Variants in ZNF84 observed in about 807,000 individuals in gnomAD.
ZNF84 encodes zinc finger protein HPF2.
In ZNF84, 12 loss-of-function variants were observed where a neutral mutation model predicts 14.8. The observed-to-expected ratio is 0.81, with a 90% CI of 0.52 to 1.31. ZNF84 has a LOEUF of 1.31. ZNF84 is among the 50% of genes most tolerant of loss of function. The pLI, the probability that ZNF84 is intolerant of heterozygous loss-of-function variation, is 0.00. For synonymous variants in ZNF84, 347 were observed against 291.1 expected, an observed-to-expected ratio of 1.19 and a Z score of -1.96; for missense variants, 859 against 878.6, an observed-to-expected ratio of 0.98 and a Z score of 0.28.
chr12:133,046,613 A>G (rs901953667), intron 2 of ZNF84, among the ~76,000 whole-genome samples: 38 of 151,232 alleles, frequency 2.5e-4, no homozygotes, highest in East Asian at 1.9e-3. Flanking sequence ...CTGTAAGACA[A>G]TGCGACTTTT....
At chr12:133,041,224 AAG>A (rs1454022905) in intron 1 of ZNF84, 52 bp from the exon 2 acceptor site, 4 of 488,788 alleles carry the variant, frequency 8.2e-6, no homozygotes, top group African/African-American at 3.9e-5. Context: ...GCAAGAGAGA[AAG>A]AGATTTCATG....
Position 133,051,500 on chromosome 12 carries a change from G to A in ZNF84, c.238+2652G>A, listed in dbSNP as rs967439954. On this transcript the variant is annotated intron_variant, in intron 4 of 4. Transcript: ENST00000539354. Reference sequence around the variant, plus strand: ...ATGACAGATTTACTACAGTGACACTGTAAGGACACAGCTGGATCACAAATG... The same window carrying A: ...ATGACAGATTTACTACAGTGACACTATAAGGACACAGCTGGATCACAAATG... Among the ~76,000 whole-genome samples, 4 of 152,292 alleles carry A rather than the reference G, an allele frequency of 2.6e-5. No homozygotes were observed. In the East Asian group the frequency reaches 7.7e-4, roughly 29 times the overall value.
In ZNF84 at chr12:133,057,335, A is replaced by G. The variant is rs372681649; in HGVS notation, c.620A>G (p.Tyr207Cys). The change falls in exon 5 of 5, where the codon TAT becomes TGT. Residue 207 changes from tyrosine to cysteine, a missense_variant. By Grantham distance (194) the Tyr-to-Cys change is radical. Coordinates refer to ENST00000539354, the MANE Select transcript of ZNF84 (RefSeq NM_001289971.2). ...AGAAATCGTTTAGGGGAGAAACTCT[A>G]TGAATGCAGTGAATGTAGGAAGCGC... ...YHRNRLGEKLYECSECRKRFS... is the reference protein window; with the variant it reads ...YHRNRLGEKLCECSECRKRFS... 2 of 1,613,728 alleles carry G rather than the reference A, an allele frequency of 1.2e-6. No individual in the cohort carries two copies. The highest frequency in any genetic ancestry group is 2.2e-5 in the East Asian group (1 of 44,890).
chr12:133,056,197 T>TA (rs1954154993), intron 4 of ZNF84, among the ~76,000 whole-genome samples: 1 of 152,208 alleles, frequency 6.6e-6, no homozygotes, highest in Non-Finnish European at 1.5e-5. Context: ...GTTTTAAAAA[T>TA]ATTATCTTTT....
chr12:133,046,720 G>T (rs962859306), intron 2 of ZNF84, among the ~76,000 whole-genome samples: 6 of 150,798 alleles, frequency 4.0e-5, no homozygotes, highest in Non-Finnish European at 7.4e-5. Flanking sequence ...GCAGTGCAGT[G>T]GTGCAATCAC....
In ZNF84 at chr12:133,060,550, A is replaced by G. The variant is rs1162673490; in HGVS notation, c.*1618A>G. The G allele has an allele frequency of 3.3e-5, 5 of 152,216 alleles. No homozygotes were observed. Among genetic ancestry groups the G allele is most frequent in the Non-Finnish European group, 5.9e-5 (4 of 68,028 alleles). 9.4% of individuals were successfully genotyped at this position (152,216 alleles called of 1,614,324 possible). A position where few individuals can be genotyped will look rare whatever the true frequency, so the allele number is the denominator to read the frequency against. On this transcript the variant is annotated 3_prime_UTR_variant, in exon 5 of 5. Transcript: ENST00000539354. Reference sequence around the variant, plus strand: ...CAGAACACATTCTAATGCATCATCTATTTTATAAAAAGGTGTTGAATATCT... The same window carrying G: ...CAGAACACATTCTAATGCATCATCTGTTTTATAAAAAGGTGTTGAATATCT...
At chr12:133,053,193 G>A (rs1021741887) in intron 4 of ZNF84, among the ~76,000 whole-genome samples, 4 of 152,142 alleles carry the variant, frequency 2.6e-5, no homozygotes, top group Admixed American at 2.6e-4. Flanking sequence ...GTGATGGAGA[G>A]AGTGGGACTA....
rs1163512069 is a variant in ZNF84 at position 133,062,008 on chromosome 12, TTTTAAA to T, written c.*3077_*3082del. The T allele has an allele frequency of 6.6e-6, 1 of 152,150 alleles. No homozygotes were observed. Among genetic ancestry groups the T allele is most frequent in the Non-Finnish European group, 1.5e-5 (1 of 68,022 alleles). 9.4% of individuals were successfully genotyped at this position (152,150 alleles called of 1,614,324 possible). On this transcript the variant is annotated 3_prime_UTR_variant, in exon 5 of 5. Coordinates refer to ENST00000539354, the MANE Select transcript of ZNF84 (RefSeq NM_001289971.2). ...CACAAATTCTACATCAAGAAGAAAG[TTTTAAA>T]GTTAGACTGGATTTATTTGTGATTT...
chr12:133,047,877 G>A (rs1359839788), intron 2 of ZNF84, 78 bp from the exon 3 acceptor site: 32 of 1,526,120 alleles, frequency 2.1e-5, no homozygotes, highest in Non-Finnish European at 2.2e-5. Flanking sequence ...TGAGAATGAA[G>A]TGCTAAAGCT....
chr12:133,041,667 G>A (rs1953891451), intron 2 of ZNF84, among the ~76,000 whole-genome samples, 185 bp downstream of exon 2: 1 of 152,236 alleles, frequency 6.6e-6, no homozygotes, highest in Non-Finnish European at 1.5e-5. Context: ...TCTTAGGATT[G>A]AGTATTTATA....
chr12:133,038,510 A>G (rs912310031), intron 1 of ZNF84, among the ~76,000 whole-genome samples: 9 of 151,626 alleles, frequency 5.9e-5, no homozygotes, highest in African/African-American at 2.2e-4. Flanking sequence ...GCAGTGAGCT[A>G]TGGTTATGCC....
Position 133,060,986 on chromosome 12 carries a change from CACCTTT to C in ZNF84, c.*2060_*2065del, listed in dbSNP as rs1424373887. The C allele has an allele frequency of 1.3e-5, 2 of 152,142 alleles. No homozygotes were observed. Among genetic ancestry groups the C allele is most frequent in the Non-Finnish European group, 2.9e-5 (2 of 68,020 alleles). The allele number at this position is 152,142 out of a possible 1,614,324, so 9.4% of individuals were successfully genotyped here. On this transcript the variant is annotated 3_prime_UTR_variant, in exon 5 of 5. Transcript: ENST00000539354. Reference sequence around the variant, plus strand: ...ATTGTTGTATCAGTATGGTATTTTGCACCTTTACCTTAAACAATATTTTCTCCTTTA... The same window carrying C: ...ATTGTTGTATCAGTATGGTATTTTGCACCTTAAACAATATTTTCTCCTTTA...
chr12:133,051,956 A>G (rs951167922), intron 4 of ZNF84, among the ~76,000 whole-genome samples: 6 of 152,186 alleles, frequency 3.9e-5, no homozygotes, highest in Non-Finnish European at 7.3e-5. Context: ...GCTAGGTACT[A>G]TGGGTATATT....
chr12:133,050,061 C>G (rs1184317450), intron 4 of ZNF84, among the ~76,000 whole-genome samples: 1 of 152,154 alleles, frequency 6.6e-6, no homozygotes, highest in African/African-American at 2.4e-5. Flanking sequence ...CTTCAGTTTC[C>G]CTCAAAAGCA....
intron 4 of ZNF84, chr12:133,050,575 C>T (rs954314008): frequency 1.8e-5 from 7 of 398,532 alleles, no homozygotes; most frequent in African/African-American, 1.2e-4. Context: ...TTCTTCCTAT[C>T]TCCCATTCAT....
At chr12:133,047,759 T>G in intron 2 of ZNF84, 196 bp from the exon 3 acceptor site, 1 of 489,206 alleles carries the variant, frequency 2.0e-6, no homozygotes, top group Non-Finnish European at 3.6e-6. Flanking sequence ...TCTTTAATCT[T>G]TAGGTTAACA....
At chr12:133,042,222 A>T (rs374131244) in intron 2 of ZNF84, among the ~76,000 whole-genome samples, 10 of 152,340 alleles carry the variant, frequency 6.6e-5, no homozygotes, top group African/African-American at 2.4e-4. Context: ...ACATAAAAGT[A>T]GTGATGCTAG....
At chr12:133,042,738 A>G (rs994448471) in intron 2 of ZNF84, among the ~76,000 whole-genome samples, 1 of 152,230 alleles carries the variant, frequency 6.6e-6, no homozygotes, top group African/African-American at 2.4e-5. Context: ...CCAGAGCAGG[A>G]CTTCATGACC....
intron 2 of ZNF84, among the ~76,000 whole-genome samples, chr12:133,044,430 T>C (rs979182411): frequency 6.6e-6 from 1 of 151,914 alleles, no homozygotes; most frequent in Non-Finnish European, 1.5e-5. Context: ...GTTGAAATTA[T>C]AGGCATGAGC....
Sources: gnomAD v4.1 joint callset for allele counts (sites outside exome capture counted in the v4.1 genomes callset) on GRCh38, gnomAD v4.1.1 for gene constraint, MANE v1.5 for transcripts, NCBI Gene and HGNC (gene_info 2026-07-23, HGNC 2026-07-21) for gene names.